The following BSPRY variants were observed in gnomAD, a reference collection of about 807,000 sequenced individuals.
BSPRY encodes B box and SPRY domain-containing protein.
BSPRY carries 33 observed loss-of-function variants against 38.0 expected under a neutral mutation model. The ratio of observed to expected loss-of-function variants is 0.87; its 90% CI spans 0.66 to 1.16. The LOEUF (loss-of-function observed/expected upper bound fraction) is 1.16, where lower values mean the gene tolerates loss of function less well. Ranked by LOEUF, BSPRY falls within the 50% of genes most tolerant of loss-of-function variation. The probability of loss-of-function intolerance (pLI) is 0.00; values close to 1 mark genes in which losing one functional copy is unlikely to be tolerated. For missense variants in BSPRY, 523 were observed against 533.2 expected (o/e 0.98, Z 0.19); for synonymous variants, 224 against 228.5 (o/e 0.98, Z 0.18).
rs941773911 is a variant in BSPRY at position 113,369,380 on chromosome 9, C to T, written c.683-236C>T. Among the ~76,000 whole-genome samples the T allele has an allele frequency of 3.9e-5, 6 of 152,308 alleles. No homozygotes were observed. In the South Asian group the frequency reaches 1.2e-3, roughly 32 times the overall value. On this transcript the variant is annotated intron_variant, in intron 5 of 5. Coordinates refer to ENST00000374183, the MANE Select transcript of BSPRY (RefSeq NM_017688.3). The stretch of plus-strand genomic sequence containing the variant: ...ATAGTAACTATTGTTATGAAGGCTA[C>T]AGTTTATAGAGCACTTACATGCTGG...
At chr9:113,351,186 G>C (rs1049512354) in intron 1 of BSPRY, among the ~76,000 whole-genome samples, 3 of 152,140 alleles carry the variant, frequency 2.0e-5, no homozygotes, top group Admixed American at 2.0e-4. Context: ...TGGCAGGCCT[G>C]GTGCTAGTTT....
intron 3 of BSPRY, among the ~76,000 whole-genome samples, chr9:113,361,403 T>C (rs1381252941): frequency 3.9e-5 from 6 of 152,216 alleles, no homozygotes; most frequent in African/African-American, 7.2e-5. Flanking sequence ...ACTGAGTGCC[T>C]ATTATATGTG....
chr9:113,362,323 G>A (rs761632507), intron 3 of BSPRY, 46 bp from the exon 4 acceptor site: 1 of 1,612,070 alleles, frequency 6.2e-7, no homozygotes, highest in Non-Finnish European at 8.5e-7. Flanking sequence ...TTGACTCCCT[G>A]CTGGGTATCT....
At chr9:113,360,943 T>C (rs1170659554) in intron 3 of BSPRY, among the ~76,000 whole-genome samples, 1 of 152,088 alleles carries the variant, frequency 6.6e-6, no homozygotes, top group Non-Finnish European at 1.5e-5. Flanking sequence ...TAAAATCCAG[T>C]TTTTGCAAAA....
intron 4 of BSPRY, among the ~76,000 whole-genome samples, chr9:113,367,811 C>T (rs1834275297): frequency 6.6e-6 from 1 of 151,182 alleles, no homozygotes; most frequent in African/African-American, 2.4e-5. Flanking sequence ...GCCCAAGCAC[C>T]TGTGTGGGGC....
In BSPRY at chr9:113,369,543, C is replaced by T. The variant is rs375538703; in HGVS notation, c.683-73C>T. ...CACCATGCTAGTGAGTGGTGAGGAA[C>T]CTTTTGCTACCTGGCAGGACCAGGT... is the stretch of plus-strand genomic sequence containing the variant. On this transcript the variant is annotated intron_variant, in intron 5 of 5. Transcript: ENST00000374183. The T allele has an allele frequency of 7.4e-5, 110 of 1,488,948 alleles. 1 individual carries two copies. In the East Asian group the frequency reaches 1.2e-3, roughly 17 times the overall value. The allele number at this position is 1,488,948 out of a possible 1,614,324, so 92.2% of individuals were successfully genotyped here. A position where few individuals can be genotyped will look rare whatever the true frequency, so the allele number is the denominator to read the frequency against.
In BSPRY at chr9:113,357,886, CTATATATATA is replaced by C. The variant is rs59328879; in HGVS notation, c.301-2573_301-2564del. 3.2e-3 allele frequency among the ~76,000 whole-genome samples: 309 copies of C among 96,706 alleles called. 1 individual carries two copies. Among genetic ancestry groups the C allele is most frequent in the Non-Finnish European group, 4.4e-3 (225 of 50,802 alleles). 63.4% of individuals were successfully genotyped at this position (96,706 alleles called of 152,430 possible). A position where few individuals can be genotyped will look rare whatever the true frequency, so the allele number is the denominator to read the frequency against. ...GGTACTGTGCCTGGCCTGTAGAGTT[CTATATATATA>C]TATATATATATATATATATATATAT... On this transcript the variant is annotated intron_variant, in intron 2 of 5. Coordinates refer to ENST00000374183, the MANE Select transcript of BSPRY (RefSeq NM_017688.3).
Position 113,369,937 on chromosome 9 carries a change from G to T in BSPRY, c.1004G>T (p.Arg335Leu). The T allele has an allele frequency of 6.2e-7, 1 of 1,614,184 alleles. No individual in the cohort carries two copies. The highest frequency in any genetic ancestry group is 8.5e-7 in the Non-Finnish European group (1 of 1,180,042). Residue 335 changes from arginine (R) to leucine (L), a missense_variant, in exon 6 of 6, where the codon CGT becomes CTT. By Grantham distance (102) the Arg-to-Leu change is moderately radical. Transcript: ENST00000374183. Reference protein sequence around the residue: ...WVFSRYDQEFRFSHNGQHEPL... With the variant: ...WVFSRYDQEFLFSHNGQHEPL... ...TTCTCTCGCTATGATCAGGAGTTTCGTTTCTCACACAATGGGCAGCACGAG... is the reference window on the plus strand; with the variant it reads ...TTCTCTCGCTATGATCAGGAGTTTCTTTTCTCACACAATGGGCAGCACGAG...
intron 2 of BSPRY, among the ~76,000 whole-genome samples, chr9:113,357,185 G>C (rs1048373441): frequency 6.6e-6 from 1 of 152,182 alleles, no homozygotes; most frequent in African/African-American, 2.4e-5. Flanking sequence ...TAAACTAAGA[G>C]AGCAGAGTGT....
chr9:113,362,530 T>A (rs1834173572), intron 4 of BSPRY, 136 bp downstream of exon 4: 1 of 886,248 alleles, frequency 1.1e-6, no homozygotes, highest in Non-Finnish European at 1.9e-6. Flanking sequence ...GGAGCCTGGC[T>A]CTGTGGACAG....
rs1247371936 is a variant in BSPRY at position 113,362,357 on chromosome 9, C to A, written c.532-12C>A. 1 of 1,613,964 alleles carries A rather than the reference C, an allele frequency of 6.2e-7. No individual in the cohort carries two copies. The highest frequency in any genetic ancestry group is 8.5e-7 in the Non-Finnish European group (1 of 1,180,014). On this transcript the variant is annotated splice_polypyrimidine_tract_variant and intron_variant, in intron 3 of 5. Transcript: ENST00000374183. ...CTGGTGCCAAGCTTGACTTTGTTTT[C>A]TTTTCTCACAGCAGAAGGAGCAAGA... is the stretch of plus-strand genomic sequence containing the variant.
intron 3 of BSPRY, among the ~76,000 whole-genome samples, chr9:113,361,387 T>C (rs920628967): frequency 1.3e-5 from 2 of 152,228 alleles, no homozygotes; most frequent in African/African-American, 4.8e-5. Context: ...TAGTGAGTCA[T>C]TGTATACTGA....
At chr9:113,362,486 G>T in intron 4 of BSPRY, 92 bp downstream of exon 4, 9 of 1,360,186 alleles carry the variant, frequency 6.6e-6, no homozygotes, top group Non-Finnish European at 9.5e-6. Context: ...GCTCTTGGGA[G>T]AATGCACAGG....
chr9:113,364,003 A>G (rs1834201646), intron 4 of BSPRY, among the ~76,000 whole-genome samples: 1 of 151,940 alleles, frequency 6.6e-6, no homozygotes, highest in African/African-American at 2.4e-5. Flanking sequence ...AGCCTGGCCA[A>G]TATGGCGAAA....
chr9:113,369,494 G>A (rs1000283965), intron 5 of BSPRY, 122 bp from the exon 6 acceptor site: 5 of 1,003,734 alleles, frequency 5.0e-6, no homozygotes, highest in African/African-American at 3.2e-5. Flanking sequence ...AAGGCTCAGA[G>A]AGAGTAAATG....
At position 113,360,798 on chromosome 9, in the gene BSPRY, A is replaced by G; in HGVS notation, c.531+61A>G. 2.2e-6 allele frequency: 3 copies of G among 1,348,712 alleles called. No individual in the cohort carries two copies. The South Asian group carries it at 3.8e-5, about 17-fold the overall frequency. 83.5% of individuals were successfully genotyped at this position (1,348,712 alleles called of 1,614,324 possible). A position where few individuals can be genotyped will look rare whatever the true frequency, so the allele number is the denominator to read the frequency against. On this transcript the variant is annotated intron_variant, in intron 3 of 5. Transcript: ENST00000374183. ...CCAGGCTCCCCAAAAGCCTGAAAAT[A>G]TCGAGAATGTTTGTCGGTATGAGGA... is the stretch of plus-strand genomic sequence containing the variant.
intron 2 of BSPRY, 27 bp from the exon 3 acceptor site, chr9:113,360,480 C>G: frequency 6.4e-7 from 1 of 1,567,360 alleles, no homozygotes; most frequent in South Asian, 1.2e-5. Context: ...CACAGACCAC[C>G]CAACTCCTCA....
chr9:113,361,698 C>G (rs1222251601), intron 3 of BSPRY, among the ~76,000 whole-genome samples: 1 of 152,206 alleles, frequency 6.6e-6, no homozygotes, highest in African/African-American at 2.4e-5. Context: ...AGAGAGAACA[C>G]TGTGCTCCGG....
chr9:113,366,603 C>T (rs145224392), intron 4 of BSPRY, among the ~76,000 whole-genome samples: 1,750 of 152,322 alleles, frequency 0.011, 10 homozygotes, highest in Middle Eastern at 0.037. Context: ...GCAGCTAGCC[C>T]GGGTGGTTCG....
Sources: allele counts gnomAD v4.1 joint callset (sites outside exome capture counted in the v4.1 genomes callset), GRCh38; gene constraint gnomAD v4.1.1; transcripts MANE v1.5; gene names NCBI Gene and HGNC (gene_info 2026-07-23, HGNC 2026-07-21).